Variants in KLRG1 observed in about 807,000 individuals in gnomAD.
The protein encoded by KLRG1 is killer cell lectin like receptor G1.
Under a neutral mutation model 21.8 loss-of-function variants are expected in KLRG1, and 16 were observed. The observed-to-expected ratio is 0.73, with a 90% CI of 0.50 to 1.11. The LOEUF (loss-of-function observed/expected upper bound fraction) is 1.11. Among genes scored for constraint, KLRG1 ranks in the 50% most tolerant of loss-of-function variants. The probability of loss-of-function intolerance (pLI) is 0.00; values close to 1 mark genes in which losing one functional copy is unlikely to be tolerated. For missense variants in KLRG1, 173 were observed against 218.3 expected (o/e 0.79, Z 1.31); for synonymous variants, 69 against 75.9 (o/e 0.91, Z 0.47).
the KLRG1 span, chr12:9,101,408 T>C: frequency 6.5e-7 from 1 of 1,537,398 alleles, no homozygotes; most frequent in Admixed American, 1.8e-5. Flanking sequence ...AGAGAGCTTT[T>C]GTCTACAGTG....
At chr12:9,124,413 G>C in the KLRG1 span, among the ~76,000 whole-genome samples, 293 of 152,240 alleles carry the variant, frequency 1.9e-3, 1 homozygote, top group African/African-American at 6.6e-3. Flanking sequence ...CTGCGGCTGT[G>C]GATCTGAGCC....
chr12:9,142,145 T>C, the KLRG1 span, among the ~76,000 whole-genome samples: 1 of 152,204 alleles, frequency 6.6e-6, no homozygotes, highest in African/African-American at 2.4e-5. Context: ...TTTGTATAAA[T>C]TCTCTTTTCT....
the KLRG1 span, chr12:9,104,253 A>G: frequency 1.0e-4 from 168 of 1,612,042 alleles, 1 homozygote; most frequent in Middle Eastern, 1.6e-4. Flanking sequence ...ACAGTAAGAG[A>G]GGTACCCATA....
the KLRG1 span, among the ~76,000 whole-genome samples, chr12:9,022,002 G>A: frequency 3.9e-5 from 6 of 152,300 alleles, no homozygotes; most frequent in African/African-American, 1.2e-4. Context: ...GCATGTGCCT[G>A]TAATCCTGGC....
At position 9,005,193 on chromosome 12, in the gene KLRG1, G is replaced by A. The variant is rs1429440278; in HGVS notation, c.358-3782G>A. 3.3e-5 allele frequency among the ~76,000 whole-genome samples: 5 copies of A among 151,882 alleles called. No homozygotes were observed. In the South Asian group the frequency reaches 6.3e-4, roughly 19 times the overall value. On this transcript the variant is annotated intron_variant, in intron 3 of 4. Coordinates refer to ENST00000356986, the MANE Select transcript of KLRG1 (RefSeq NM_005810.4). ...CACAGGGAGGGGAACATCACACACC[G>A]GGCCTGTCGGGGGGTGGGGGGCAAG...
the KLRG1 span, among the ~76,000 whole-genome samples, chr12:9,141,338 G>A: frequency 6.6e-6 from 1 of 152,114 alleles, no homozygotes; most frequent in Non-Finnish European, 1.5e-5. Context: ...TTATATTAGT[G>A]TGCTACTAAT....
At chr12:9,076,684 G>T in the KLRG1 span, 1 of 1,451,056 alleles carries the variant, frequency 6.9e-7, no homozygotes, top group Non-Finnish European at 9.6e-7. Context: ...GGAGGTAGGA[G>T]TGAGGGATTT....
the KLRG1 span, among the ~76,000 whole-genome samples, chr12:9,044,781 G>T: frequency 6.6e-6 from 1 of 152,172 alleles, no homozygotes; most frequent in Non-Finnish European, 1.5e-5. Context: ...ATAGATTTGT[G>T]TAGCATTCTG....
chr12:9,109,887 G>A, the KLRG1 span: 20 of 1,607,946 alleles, frequency 1.2e-5, no homozygotes, highest in African/African-American at 2.3e-4. Context: ...CACGGTGAAA[G>A]GGTGCTCTGT....
At chr12:9,062,381 A>G in the KLRG1 span, among the ~76,000 whole-genome samples, 1 of 100,988 alleles carries the variant, frequency 9.9e-6, no homozygotes, top group East Asian at 2.3e-4. Context: ...TATATTGTAT[A>G]AAAAATCACC....
At chr12:9,137,906 C>T in the KLRG1 span, among the ~76,000 whole-genome samples, 4 of 151,976 alleles carry the variant, frequency 2.6e-5, no homozygotes, top group Non-Finnish European at 5.9e-5. Context: ...TTAGTTTTAA[C>T]AGTTTTTTAA....
chr12:9,077,607 G>A, the KLRG1 span: 2 of 1,550,430 alleles, frequency 1.3e-6, no homozygotes, highest in East Asian at 2.3e-5. Flanking sequence ...TTCCTCTGAG[G>A]CTTTCCCTTA....
intron 1 of KLRG1, among the ~76,000 whole-genome samples, chr12:8,990,525 A>G (rs1271109097): frequency 6.6e-6 from 1 of 152,106 alleles, no homozygotes; most frequent in East Asian, 1.9e-4. Flanking sequence ...ATTCTAGTAT[A>G]CTTGGGATAT....
At chr12:9,099,257 G>A in the KLRG1 span, 2 of 881,482 alleles carry the variant, frequency 2.3e-6, no homozygotes, top group Non-Finnish European at 3.6e-6. Context: ...CCACTACCTT[G>A]CTGAATGTCT....
the KLRG1 span, chr12:9,089,781 T>A: frequency 1.3e-6 from 1 of 750,298 alleles, no homozygotes; most frequent in Non-Finnish European, 1.9e-6. Flanking sequence ...AGAAAGTAAA[T>A]CAAGAGAGAG....
chr12:9,172,875 G>T, the KLRG1 span, among the ~76,000 whole-genome samples: 85 of 152,196 alleles, frequency 5.6e-4, no homozygotes, highest in Admixed American at 5.2e-3. Context: ...CACAATAATA[G>T]CGAGAGACTT....
chr12:9,061,034 A>T, the KLRG1 span, among the ~76,000 whole-genome samples: 1 of 152,246 alleles, frequency 6.6e-6, no homozygotes, highest in Non-Finnish European at 1.5e-5. Flanking sequence ...AGAAGCTAGG[A>T]TTAAATTCCT....
chr12:9,098,881 G>T, the KLRG1 span: 1 of 1,032,266 alleles, frequency 9.7e-7, no homozygotes, highest in African/African-American at 1.6e-5. Context: ...TGGAGGGTTG[G>T]CATTGTGTCA....
At chr12:9,050,440 G>C in the KLRG1 span, among the ~76,000 whole-genome samples, 3 of 152,178 alleles carry the variant, frequency 2.0e-5, no homozygotes, top group African/African-American at 7.2e-5. Context: ...TGGGAGCTTC[G>C]CCTCTTCTGA....
Sources: gnomAD v4.1 joint callset for allele counts (sites outside exome capture counted in the v4.1 genomes callset) on GRCh38, gnomAD v4.1.1 for gene constraint, MANE v1.5 for transcripts, NCBI Gene and HGNC (gene_info 2026-07-23, HGNC 2026-07-21) for gene names.